Variants in HERC4 observed in about 807,000 individuals in gnomAD.
HERC4 encodes HECT and RLD domain containing E3 ubiquitin protein ligase 4.
Under a neutral mutation model 124.3 loss-of-function variants are expected in HERC4, and 28 were observed. The observed-to-expected ratio is 0.23, with a 90% CI of 0.17 to 0.31. HERC4 has a LOEUF of 0.31. HERC4 is among the 10% of genes least tolerant of loss of function. The pLI is 1.00. For missense variants in HERC4, 713 were observed against 1,229.3 expected, an observed-to-expected ratio of 0.58 and a Z score of 6.28; for synonymous variants, 407 against 421.5, an observed-to-expected ratio of 0.97 and a Z score of 0.42.
chr10:67,954,564 C>G (rs1461513146), intron 19 of HERC4, 31 bp downstream of exon 19: 2 of 1,596,896 alleles, frequency 1.3e-6, no homozygotes, highest in South Asian at 1.1e-5. Context: ...GGTATATACA[C>G]AGAAGTAATT....
intron 3 of HERC4, among the ~76,000 whole-genome samples, chr10:68,061,974 T>G (rs2041049731): frequency 2.0e-5 from 3 of 151,370 alleles, no homozygotes; most frequent in African/African-American, 7.3e-5. Context: ...TACTTTAAAT[T>G]TACAACGGTA....
intron 3 of HERC4, among the ~76,000 whole-genome samples, chr10:68,055,478 C>T (rs2040502909): frequency 1.3e-5 from 2 of 152,044 alleles, no homozygotes; most frequent in Non-Finnish European, 2.9e-5. Flanking sequence ...GTTCATACCC[C>T]TTTTATATAT....
In HERC4 at chr10:68,000,025, CT is replaced by C. The variant is rs372839863; in HGVS notation, c.1070-7344del. The stretch of plus-strand genomic sequence containing the variant: ...TTACTTAATCCGGTATGACAAGTCA[CT>C]TTTTTTTCTTTTGTAGAGACAGGGT... On this transcript the variant is annotated intron_variant, in intron 9 of 24. Coordinates refer to ENST00000373700, the MANE Select transcript of HERC4 (RefSeq NM_015601.4). 1.3e-3 allele frequency among the ~76,000 whole-genome samples: 204 copies of C among 152,114 alleles called. 4 individuals are homozygous for C. The East Asian group carries it at 0.033, about 24-fold the overall frequency.
chr10:67,941,114 A>G lies in HERC4; in HGVS notation c.2338-9T>C, dbSNP rs372930441. The G allele has an allele frequency of 3.1e-5, 47 of 1,519,858 alleles. 2 individuals are homozygous for G. In the South Asian group the frequency reaches 5.1e-4, roughly 17 times the overall value. The allele number at this position is 1,519,858 out of a possible 1,614,324, so 94.1% of individuals were successfully genotyped here. ...TCACTGTCTTCAAATGTCTAAAAAT[A>G]TAAGAAAAAGTAAACACATGTCCTC... On this transcript the variant is annotated splice_polypyrimidine_tract_variant and intron_variant, in intron 19 of 24. Coordinates refer to ENST00000373700, the MANE Select transcript of HERC4 (RefSeq NM_015601.4).
chr10:67,941,844 CTG>C (rs2032933659), intron 19 of HERC4, among the ~76,000 whole-genome samples: 1 of 151,924 alleles, frequency 6.6e-6, no homozygotes, highest in African/African-American at 2.4e-5. Context: ...TTAGTAGAGA[CTG>C]GGTTTCACCA....
intron 3 of HERC4, among the ~76,000 whole-genome samples, chr10:68,059,509 T>A (rs111123308): frequency 1.1e-5 from 1 of 93,172 alleles, no homozygotes; most frequent in African/African-American, 5.2e-5. Context: ...TATATTATAA[T>A]ATTATATATC....
At chr10:67,931,133 C>A (rs138975163) in intron 23 of HERC4, among the ~76,000 whole-genome samples, 3 of 151,516 alleles carry the variant, frequency 2.0e-5, no homozygotes, top group Admixed American at 2.0e-4. Flanking sequence ...TATAGGCGTG[C>A]GACACTATGC....
At chr10:68,042,574 G>A (rs1184411505) in intron 4 of HERC4, among the ~76,000 whole-genome samples, 1 of 152,172 alleles carries the variant, frequency 6.6e-6, no homozygotes, top group African/African-American at 2.4e-5. Context: ...AGTGAGCTGT[G>A]AGCATGCCAC....
chr10:68,056,632 G>A (rs1191778987), intron 3 of HERC4, among the ~76,000 whole-genome samples: 5 of 152,154 alleles, frequency 3.3e-5, no homozygotes, highest in Non-Finnish European at 5.9e-5. Context: ...CAGAGAAACT[G>A]AAATATACCT....
chr10:67,950,002 G>C (rs1351649938), intron 19 of HERC4, among the ~76,000 whole-genome samples: 3 of 151,704 alleles, frequency 2.0e-5, no homozygotes, highest in Admixed American at 2.0e-4. Context: ...CTGGAGGATA[G>C]AGCAAGACTC....
At chr10:67,929,816 T>C (rs10823119) in intron 23 of HERC4, among the ~76,000 whole-genome samples, 71,085 of 149,428 alleles carry the variant, frequency 0.48, 20,760 homozygotes, top group Non-Finnish European at 0.66. Context: ...CACCCAGCTG[T>C]GCATTTTTTT....
At chr10:67,953,230 C>CA (rs2033924954) in intron 19 of HERC4, among the ~76,000 whole-genome samples, 1 of 152,254 alleles carries the variant, frequency 6.6e-6, no homozygotes, top group Non-Finnish European at 1.5e-5. Flanking sequence ...TTTGAACAAG[C>CA]AATCCCTAAA....
Position 68,006,558 on chromosome 10 carries a change from A to G in HERC4, c.1069+7468T>C, listed in dbSNP as rs1340032706. Among the ~76,000 whole-genome samples, 7 of 151,834 alleles carry G rather than the reference A, an allele frequency of 4.6e-5. No individual in the cohort carries two copies. The East Asian group carries it at 1.4e-3, about 29-fold the overall frequency. On this transcript the variant is annotated intron_variant, in intron 9 of 24. Coordinates refer to ENST00000373700, the MANE Select transcript of HERC4 (RefSeq NM_015601.4). ...AGCTAATTTTTTAATTTTTATTTTT[A>G]GTAGAGATGGGGTTTTGCCACGTTG...
At chr10:67,988,050 C>A (rs796720245) in intron 15 of HERC4, 7 of 152,244 alleles carry the variant, frequency 4.6e-5, no homozygotes, top group African/African-American at 1.7e-4. Flanking sequence ...TACCAACTGT[C>A]AGGGATGAAA....
intron 21 of HERC4, among the ~76,000 whole-genome samples, chr10:67,938,850 A>G (rs1280445176): frequency 6.6e-6 from 1 of 152,172 alleles, no homozygotes; most frequent in Non-Finnish European, 1.5e-5. Context: ...AGGCTGAGGC[A>G]GGAGAATCGC....
At position 67,925,876 on chromosome 10, in the gene HERC4, T is replaced by C. The variant is rs143401155; in HGVS notation, c.2839-689A>G. 1.3e-3 allele frequency among the ~76,000 whole-genome samples: 205 copies of C among 152,248 alleles called. 2 individuals are homozygous for C. The highest frequency in any genetic ancestry group is 4.6e-3 in the African/African-American group (192 of 41,564). On this transcript the variant is annotated intron_variant, in intron 23 of 24. Coordinates refer to ENST00000373700, the MANE Select transcript of HERC4 (RefSeq NM_015601.4). ...CAACAGTCATGTGAGTAAGCCACCT[T>C]GGAAGTGAATCTCTATCCTTAATCA...
intron 3 of HERC4, among the ~76,000 whole-genome samples, chr10:68,065,973 T>G (rs2041281713): frequency 6.6e-6 from 1 of 152,118 alleles, no homozygotes; most frequent in Non-Finnish European, 1.5e-5. Flanking sequence ...CCTTTTAAAT[T>G]TCATCAAAAT....
At chr10:68,063,810 GC>G (rs1474984377) in intron 3 of HERC4, among the ~76,000 whole-genome samples, 2 of 151,658 alleles carry the variant, frequency 1.3e-5, no homozygotes, top group East Asian at 3.9e-4. Context: ...ATGTTGACGG[GC>G]ATCTGTAATC....
intron 19 of HERC4, among the ~76,000 whole-genome samples, chr10:67,944,750 A>G (rs773670095): frequency 3.3e-5 from 5 of 152,250 alleles, no homozygotes; most frequent in Non-Finnish European, 7.3e-5. Flanking sequence ...GATAAATTTA[A>G]CAGAGTAAAA....
Sources: allele counts gnomAD v4.1 joint callset (sites outside exome capture counted in the v4.1 genomes callset), GRCh38; gene constraint gnomAD v4.1.1; transcripts MANE v1.5; gene names NCBI Gene and HGNC (gene_info 2026-07-23, HGNC 2026-07-21).